Variants in NRG1 observed in about 807,000 individuals in gnomAD.
NRG1 encodes neuregulin 1.
NRG1 carries 18 observed loss-of-function variants against 63.8 expected under a neutral mutation model. That is an observed-to-expected ratio of 0.28 (90% CI 0.19 to 0.42). NRG1 has a LOEUF of 0.42. NRG1 is among the 10% of genes least tolerant of loss of function. The pLI is 1.00. For synonymous variants in NRG1, 302 were observed against 301.3 expected (o/e 1.00, Z -0.02); for missense variants, 762 against 814.7 (o/e 0.94, Z 0.79).
rs144131786 is a variant in NRG1 at position 32,070,074 on chromosome 8, G to C, written c.37+430643G>C. 1.6e-3 allele frequency among the ~76,000 whole-genome samples: 242 copies of C among 152,264 alleles called. 1 individual carries two copies. The highest frequency in any genetic ancestry group is 5.6e-3 in the African/African-American group (234 of 41,548). On this transcript the variant is annotated intron_variant, in intron 1 of 10. Transcript: ENST00000519301. The stretch of plus-strand genomic sequence containing the variant: ...GATGTCAATAAAAGGTAGTAAACTT[G>C]AGAATCTCTGAGAAGCATTGATCCA...
chr8:31,770,673 G>C (rs1325866307), intron 1 of NRG1, among the ~76,000 whole-genome samples: 1 of 151,470 alleles, frequency 6.6e-6, no homozygotes. Flanking sequence ...TGTAAATGAC[G>C]AGTTAATGGG....
chr8:31,829,273 C>T (rs1397843524), intron 1 of NRG1, among the ~76,000 whole-genome samples: 1 of 152,188 alleles, frequency 6.6e-6, no homozygotes, highest in Non-Finnish European at 1.5e-5. Context: ...CGCAAACTCC[C>T]CAAGAGAGAT....
intron 1 of NRG1, among the ~76,000 whole-genome samples, chr8:31,744,671 G>A (rs1586094586): frequency 6.6e-6 from 1 of 152,042 alleles, no homozygotes; most frequent in East Asian, 1.9e-4. Flanking sequence ...TTGAATCTTT[G>A]CTAAATCGGT....
intron 1 of NRG1, among the ~76,000 whole-genome samples, chr8:31,668,774 G>A (rs1232350219): frequency 6.6e-6 from 1 of 152,170 alleles, no homozygotes; most frequent in Non-Finnish European, 1.5e-5. Context: ...ATAATGTACA[G>A]CATATAGCAG....
chr8:32,279,408 A>G (rs1050560884), intron 1 of NRG1, among the ~76,000 whole-genome samples: 4 of 152,274 alleles, frequency 2.6e-5, no homozygotes, highest in Middle Eastern at 3.4e-3. Flanking sequence ...GCTGGAGTGC[A>G]GTGGTGTGAT....
At chr8:32,612,635 C>G (rs796142323) in intron 3 of NRG1, among the ~76,000 whole-genome samples, 10 of 152,070 alleles carry the variant, frequency 6.6e-5, no homozygotes, top group African/African-American at 2.4e-4. Flanking sequence ...AACCTTCCCT[C>G]TAATCTGAGG....
At chr8:31,797,439 G>T (rs889890385) in intron 1 of NRG1, among the ~76,000 whole-genome samples, 1 of 152,140 alleles carries the variant, frequency 6.6e-6, no homozygotes, top group African/African-American at 2.4e-5. Flanking sequence ...TCATTATCCA[G>T]CCCCAAAGTT....
At chr8:32,175,082 G>A (rs199672676) in intron 1 of NRG1, among the ~76,000 whole-genome samples, 1 of 152,216 alleles carries the variant, frequency 6.6e-6, no homozygotes, top group East Asian at 1.9e-4. Context: ...AAAATCCTCA[G>A]TAAAATACTA....
chr8:32,555,347 T>A (rs1834920354), intron 1 of NRG1, among the ~76,000 whole-genome samples: 3 of 152,254 alleles, frequency 2.0e-5, no homozygotes, highest in Admixed American at 2.0e-4. Context: ...TTTGTTTTCA[T>A]CTCTTCCTAT....
chr8:32,022,496 G>T (rs1042453885), intron 1 of NRG1, among the ~76,000 whole-genome samples: 1 of 152,084 alleles, frequency 6.6e-6, no homozygotes, highest in Non-Finnish European at 1.5e-5. Context: ...TAGTATCAGA[G>T]AGCTCTATTA....
chr8:32,295,048 C>G (rs1854669532), intron 1 of NRG1, among the ~76,000 whole-genome samples: 1 of 152,062 alleles, frequency 6.6e-6, no homozygotes, highest in South Asian at 2.1e-4. Flanking sequence ...CATATTAACT[C>G]CCAGTTATAC....
At chr8:32,668,947 T>A (rs1804923396) in intron 5 of NRG1, among the ~76,000 whole-genome samples, 3 of 152,196 alleles carry the variant, frequency 2.0e-5, no homozygotes, top group Admixed American at 2.0e-4. Context: ...ATTGTTTCCT[T>A]GATGTTCCTT....
intron 1 of NRG1, among the ~76,000 whole-genome samples, chr8:31,803,799 T>C (rs1047912743): frequency 4.2e-4 from 64 of 152,352 alleles, no homozygotes; most frequent in African/African-American, 1.5e-3. Context: ...CGCCTTTCTC[T>C]AGAACTTAAT....
chr8:31,772,657 G>C (rs1282717739), intron 1 of NRG1, among the ~76,000 whole-genome samples: 2 of 152,104 alleles, frequency 1.3e-5, no homozygotes, highest in African/African-American at 4.8e-5. Context: ...TCTGGTACTG[G>C]ATTTGCTTCT....
chr8:32,012,296 AC>A (rs1339782436), intron 1 of NRG1, among the ~76,000 whole-genome samples: 2 of 152,086 alleles, frequency 1.3e-5, no homozygotes, highest in Non-Finnish European at 2.9e-5. Context: ...GGACAACAGG[AC>A]ATGCATGACA....
At chr8:32,151,039 A>G (rs1257985715) in intron 1 of NRG1, among the ~76,000 whole-genome samples, 1 of 152,164 alleles carries the variant, frequency 6.6e-6, no homozygotes, top group Non-Finnish European at 1.5e-5. Flanking sequence ...TAAACTTGAA[A>G]TTGTTTCAGG....
rs528830678 is a variant in NRG1, at chr8:32,422,649, T to A, written c.38-173179T>A. Among the ~76,000 whole-genome samples, 10 of 152,346 alleles carry A rather than the reference T, an allele frequency of 6.6e-5. No homozygotes were observed. In the East Asian group the frequency reaches 1.9e-3, roughly 29 times the overall value. On this transcript the variant is annotated intron_variant, in intron 1 of 10. Transcript: ENST00000519301. ...CAGTTTGCCAACCCAAAGGGTCATA[T>A]GAGATTACTTTCTGCCTACAGTGTA... is the stretch of plus-strand genomic sequence containing the variant.
At chr8:32,344,372 T>TTCTTTTTCTTTCTTTCTTCC (rs1554513683) in intron 1 of NRG1, among the ~76,000 whole-genome samples, 8 of 58,674 alleles carry the variant, frequency 1.4e-4, no homozygotes, top group Non-Finnish European at 1.9e-4. Flanking sequence ...CTTTCTTTCT[T>TTCTTTTTCTTTCTTTCTTCC]TCTTTCTTTC....
At chr8:31,670,058 T>G (rs1806964750) in intron 1 of NRG1, among the ~76,000 whole-genome samples, 1 of 152,236 alleles carries the variant, frequency 6.6e-6, no homozygotes, top group South Asian at 2.1e-4. Flanking sequence ...AGGTCTCAGT[T>G]GTAGACTTAG....
Sources: gnomAD v4.1 joint callset for allele counts (sites outside exome capture counted in the v4.1 genomes callset) on GRCh38, gnomAD v4.1.1 for gene constraint, MANE v1.5 for transcripts, NCBI Gene and HGNC (gene_info 2026-07-23, HGNC 2026-07-21) for gene names.